SNED1: variants seen among roughly 807,000 people sequenced by gnomAD.
The protein encoded by SNED1 is sushi, nidogen and EGF-like domain-containing protein 1.
Under a neutral mutation model 166.7 loss-of-function variants are expected in SNED1, and 81 were observed. The observed-to-expected ratio is 0.49, with a 90% CI of 0.41 to 0.58. The LOEUF (loss-of-function observed/expected upper bound fraction) is 0.58. Ranked by LOEUF, SNED1 falls within the 20% of genes least tolerant of loss-of-function variation. The pLI is 0.00. For missense variants in SNED1, 1,604 were observed against 2,000.2 expected (o/e 0.80, Z 3.78); for synonymous variants, 762 against 822.0 (o/e 0.93, Z 1.25).
intron 27 of SNED1, among the ~76,000 whole-genome samples, chr2:241,078,658 G>GT (rs1044135803): frequency 6.6e-6 from 1 of 151,840 alleles, no homozygotes; most frequent in African/African-American, 2.4e-5. Context: ...GGGGAAGGCA[G>GT]TAACAGCTAA....
At position 241,092,304 on chromosome 2, in the gene SNED1, G is replaced by A. The variant is rs1300483374; in HGVS notation, c.*668G>A. On this transcript the variant is annotated 3_prime_UTR_variant, in exon 32 of 32. Transcript: ENST00000310397. This position sits in a 1 kb window ranked among gnomAD's most constrained non-coding sequence, Gnocchi z 4.6. ...CGACTGGCAGCCTTTCTCTATCAAG[G>A]GTCAGACGGTAAACGTTTTCAGCTT... The A allele has an allele frequency of 6.6e-6, 1 of 152,274 alleles. No homozygotes were observed. The highest frequency in any genetic ancestry group is 2.1e-4 in the South Asian group (1 of 4,820). 9.4% of individuals were successfully genotyped at this position (152,274 alleles called of 1,614,324 possible). A position where few individuals can be genotyped will look rare whatever the true frequency, so the allele number is the denominator to read the frequency against.
intron 1 of SNED1, among the ~76,000 whole-genome samples, chr2:241,028,135 G>C (rs553091384): frequency 6.6e-6 from 1 of 152,226 alleles, no homozygotes; most frequent in East Asian, 1.9e-4. Context: ...TTGAAACAAG[G>C]GTTTTTTGTT....
At chr2:241,061,010 A>G (rs912549865) in intron 16 of SNED1, among the ~76,000 whole-genome samples, 3 of 152,194 alleles carry the variant, frequency 2.0e-5, no homozygotes, top group Admixed American at 2.0e-4. Context: ...GGGTAGTGAA[A>G]GACTCCTTAA....
chr2:241,085,911 G>A (rs2063552699), intron 29 of SNED1, among the ~76,000 whole-genome samples: 1 of 136,208 alleles, frequency 7.3e-6, no homozygotes, highest in South Asian at 2.3e-4. Context: ...CTGTCGCCCA[G>A]GCTGGAGTGC....
chr2:241,053,129 G>C, intron 15 of SNED1, 24 bp from the exon 16 acceptor site: 1 of 1,600,150 alleles, frequency 6.2e-7, no homozygotes, highest in Non-Finnish European at 8.5e-7. Context: ...AGGACCGTGC[G>C]AGACAGGCTG....
At chr2:241,072,393 G>A in intron 26 of SNED1, 1 of 363,746 alleles carries the variant, frequency 2.7e-6, no homozygotes, top group Admixed American at 3.7e-5. Flanking sequence ...CTGGGAATCT[G>A]CCTGTGATTC....
At chr2:241,072,005 C>A in intron 26 of SNED1, 127 bp downstream of exon 26, 1 of 853,998 alleles carries the variant, frequency 1.2e-6, no homozygotes. Context: ...GCCAGTGACC[C>A]CCACCCCGAC....
intron 1 of SNED1, among the ~76,000 whole-genome samples, chr2:241,028,329 G>A (rs2124966601): frequency 1.3e-5 from 2 of 152,228 alleles, no homozygotes; most frequent in Non-Finnish European, 2.9e-5. Context: ...TTTGTTGCCT[G>A]TGCCTTTAGT....
At chr2:241,053,015 G>A (rs1365036832) in intron 15 of SNED1, 138 bp from the exon 16 acceptor site, 2 of 786,326 alleles carry the variant, frequency 2.5e-6, no homozygotes, top group East Asian at 2.7e-5. Context: ...CCCAGAAGTC[G>A]AGGCACCTTT....
rs774944493 is a variant in SNED1 at position 241,067,845 on chromosome 2, G to A, written c.3092G>A (p.Arg1031His). 17 of 1,613,294 alleles carry A rather than the reference G, an allele frequency of 1.1e-5. No homozygotes were observed. The highest frequency in any genetic ancestry group is 1.6e-4 in the Middle Eastern group (1 of 6,080). ...GTGCAGTGGGCCCTGCACAGGATCC[G>A]CCATGCCACCGTCAGTGGGGTCCGT... ...ISVQWALHRI[R>H]HATVSGVRVS... is the part of the protein sequence containing the mutation. The change falls in exon 22 of 32, where the codon CGC becomes CAC. Residue 1031 changes from arginine (R) to histidine (H), a missense_variant. Transcript: ENST00000310397.
At chr2:240,998,442 G>A (rs973964922), upstream of SNED1, among the ~76,000 whole-genome samples, 1 of 152,194 alleles carries the variant, frequency 6.6e-6, no homozygotes, top group Non-Finnish European at 1.5e-5. Flanking sequence ...CCACCACAGG[G>A]CGCGCGCCCG....
chr2:241,042,747 A>C (rs2125052878), intron 8 of SNED1, among the ~76,000 whole-genome samples: 1 of 152,366 alleles, frequency 6.6e-6, no homozygotes, highest in Non-Finnish European at 1.5e-5. Flanking sequence ...TATTTACAGC[A>C]GGTTAGATAT....
Position 241,013,455 on chromosome 2 carries a change from C to T in SNED1, c.213+14405C>T, listed in dbSNP as rs2060478588. Reference sequence around the variant, plus strand: ...CCCCACTCCACCCCACCCCGCTGGCCCTAGTAGCTGGGATTATAGGCACGC... The same window carrying T: ...CCCCACTCCACCCCACCCCGCTGGCTCTAGTAGCTGGGATTATAGGCACGC... On this transcript the variant is annotated intron_variant, in intron 1 of 31. Coordinates refer to ENST00000310397, the MANE Select transcript of SNED1 (RefSeq NM_001080437.3). This position sits in a 1 kb window ranked among gnomAD's most constrained non-coding sequence, Gnocchi z 4.6. Among the ~76,000 whole-genome samples the T allele has an allele frequency of 6.6e-6, 1 of 152,106 alleles. No individual in the cohort carries two copies. The highest frequency in any genetic ancestry group is 1.5e-5 in the Non-Finnish European group (1 of 68,026).
chr2:241,053,318 A>T lies in SNED1; in HGVS notation c.2249A>T (p.Gln750Leu). 6.3e-7 allele frequency: 1 copy of T among 1,575,110 alleles called. No homozygotes were observed. Reference sequence around the variant, plus strand: ...CACGGTGTCTGGAGTGAGCCTCCCCAGTGCCTTGGTGATTCTGTGGGCCCT... The same window carrying T: ...CACGGTGTCTGGAGTGAGCCTCCCCTGTGCCTTGGTGATTCTGTGGGCCCT... The part of the protein sequence containing the change: ...QPHGVWSEPP[Q>L]CLEIDECRSQ... Residue 750 changes from glutamine (Q) to leucine (L), a missense_variant, in exon 16 of 32, where the codon CAG (glutamine) becomes CTG (leucine). By Grantham distance (113) the Gln-to-Leu change is moderately radical (BLOSUM62 -2). Around this residue, in one of 2 missense-constraint regions of SNED1, gnomAD observed 1,237 missense variants for 1,620.8 expected, o/e 0.76. Transcript: ENST00000310397.
chr2:241,088,700 G>C, intron 31 of SNED1: 1 of 423,646 alleles, frequency 2.4e-6, no homozygotes, highest in Middle Eastern at 6.2e-4. Flanking sequence ...GAAACCCCTA[G>C]ATCAGCTGCA....
intron 1 of SNED1, 73 bp from the exon 2 acceptor site, chr2:241,030,211 T>C (rs2061124352): frequency 2.1e-6 from 3 of 1,405,176 alleles, no homozygotes; most frequent in African/African-American, 1.4e-5. Context: ...TGGCAGGGGC[T>C]GGGGAGGCTG....
intron 29 of SNED1, among the ~76,000 whole-genome samples, chr2:241,086,558 C>T (rs2063586692): frequency 2.0e-5 from 3 of 152,230 alleles, no homozygotes; most frequent in African/African-American, 7.2e-5. Context: ...CTCGTGTTGT[C>T]TGTTTTCTAA....
At chr2:240,998,082 CA>C (rs2106508315), upstream of SNED1, among the ~76,000 whole-genome samples, 1 of 152,396 alleles carries the variant, frequency 6.6e-6, no homozygotes, top group South Asian at 2.1e-4. Context: ...CCGAGCCTCC[CA>C]GGAATTTCTC....
chr2:241,076,973 G>A (rs898721957), intron 27 of SNED1, among the ~76,000 whole-genome samples: 3 of 152,146 alleles, frequency 2.0e-5, no homozygotes, highest in Non-Finnish European at 4.4e-5. Flanking sequence ...CAGCTACTCC[G>A]GAGGCTGAGG....
Sources: allele counts gnomAD v4.1 joint callset (sites outside exome capture counted in the v4.1 genomes callset), GRCh38; gene constraint gnomAD v4.1.1; regional missense constraint gnomAD v4.1.1; non-coding constraint Gnocchi (gnomAD v3.1); transcripts MANE v1.5; gene names NCBI Gene and HGNC (gene_info 2026-07-23, HGNC 2026-07-21).